Variants in SGCD observed in about 807,000 individuals in gnomAD.
SGCD encodes the protein delta-sarcoglycan.
SGCD carries 18 observed loss-of-function variants against 36.6 expected under a neutral mutation model. The observed-to-expected ratio is 0.49, with a 90% CI of 0.34 to 0.73. The LOEUF is 0.73. Among genes scored for constraint, SGCD ranks in the 30% least tolerant of loss-of-function variants. SGCD has a pLI of 0.01. For synonymous variants in SGCD, 133 were observed against 130.6 expected (o/e 1.02, Z -0.12); for missense variants, 387 against 346.7 (o/e 1.12, Z -0.92).
chr5:156,440,311 G>A (rs1471471804), intron 3 of SGCD, among the ~76,000 whole-genome samples: 10 of 151,834 alleles, frequency 6.6e-5, no homozygotes, highest in Admixed American at 6.6e-4. Context: ...CTTTTTTATT[G>A]CTGACTAATA....
At chr5:155,824,926 A>T in the SGCD span, among the ~76,000 whole-genome samples, 2 of 152,202 alleles carry the variant, frequency 1.3e-5, no homozygotes, top group Non-Finnish European at 2.9e-5. Flanking sequence ...TATATAAATT[A>T]AAAAATATAT....
Position 156,198,401 on chromosome 5 carries a change from G to A in SGCD, c.-44+74382G>A, listed in dbSNP as rs143454746. Among the ~76,000 whole-genome samples, 70 of 152,232 alleles carry A rather than the reference G, an allele frequency of 4.6e-4. 2 individuals are homozygous for A. In the East Asian group the frequency reaches 0.012, roughly 26 times the overall value. ...GAGCACTTGGATTGAGAGACACCAT[G>A]CTAGGTACTCTGCCTTTATTAATTC... On this transcript the variant is annotated intron_variant, in intron 3 of 9. Coordinates refer to the SGCD transcript ENST00000517913.
At chr5:155,967,899 C>T (rs1169280536) in intron 1 of SGCD, among the ~76,000 whole-genome samples, 1 of 151,950 alleles carries the variant, frequency 6.6e-6, no homozygotes, top group Non-Finnish European at 1.5e-5. Context: ...AATTGAACAT[C>T]GTCGGGAGTG....
rs1232883619 is a variant in SGCD, at chr5:156,406,816, A to ATG, written c.192+62140_192+62141insGT. 6.7e-4 allele frequency among the ~76,000 whole-genome samples: 78 copies of ATG among 117,006 alleles called. 5 individuals carry two copies. The highest frequency in any genetic ancestry group is 2.6e-3 in the African/African-American group (74 of 28,576). The allele number at this position is 117,006 out of a possible 152,430, so 76.8% of individuals were successfully genotyped here. A position where few individuals can be genotyped will look rare whatever the true frequency, so the allele number is the denominator to read the frequency against. On this transcript the variant is annotated intron_variant, in intron 3 of 8. Coordinates refer to ENST00000337851, the MANE Select transcript of SGCD (RefSeq NM_000337.6). ...TATATATATATATATATATATATAT[A>ATG]TATACACACACACACACACACACAC...
chr5:155,858,767 G>A, the SGCD span, among the ~76,000 whole-genome samples: 1 of 152,168 alleles, frequency 6.6e-6, no homozygotes, highest in Non-Finnish European at 1.5e-5. Context: ...TCATCTGCAG[G>A]CCAGCAGCAT....
At chr5:156,307,041 C>CTTTT (rs71577193) in intron 3 of SGCD, among the ~76,000 whole-genome samples, 2 of 124,526 alleles carry the variant, frequency 1.6e-5, no homozygotes, top group Non-Finnish European at 1.7e-5. Context: ...TATAAGTTTT[C>CTTTT]TTTTTTTTTT....
At chr5:156,257,391 G>A (rs1389518286) in intron 3 of SGCD, among the ~76,000 whole-genome samples, 2 of 151,564 alleles carry the variant, frequency 1.3e-5, no homozygotes, top group African/African-American at 2.4e-5. Flanking sequence ...GGAGAATGGC[G>A]TGAACCCTGG....
At chr5:156,302,627 A>G (rs1489681828) in intron 3 of SGCD, among the ~76,000 whole-genome samples, 2 of 152,172 alleles carry the variant, frequency 1.3e-5, no homozygotes, top group African/African-American at 4.8e-5. Flanking sequence ...TATTTATTAT[A>G]GTCTGGACTT....
intron 3 of SGCD, among the ~76,000 whole-genome samples, chr5:156,361,267 AC>A (rs2127730893): frequency 6.6e-6 from 1 of 152,348 alleles, no homozygotes; most frequent in African/African-American, 2.4e-5. Flanking sequence ...AAAATCTTGC[AC>A]CAAAAGGATG....
At chr5:155,792,768 C>T in the SGCD span, among the ~76,000 whole-genome samples, 5 of 152,074 alleles carry the variant, frequency 3.3e-5, no homozygotes, top group Non-Finnish European at 7.4e-5. Flanking sequence ...GCTGATGAGG[C>T]TGTGGAGAAA....
intron 3 of SGCD, among the ~76,000 whole-genome samples, chr5:156,179,084 G>C (rs75678790): frequency 0.015 from 2,214 of 152,228 alleles, 27 homozygotes; most frequent in Non-Finnish European, 0.024. Context: ...ATTGTTTTCT[G>C]CTTTCATCAT....
intron 6 of SGCD, among the ~76,000 whole-genome samples, chr5:156,636,139 GC>G (rs1190047228): frequency 3.9e-5 from 6 of 152,244 alleles, no homozygotes; most frequent in African/African-American, 1.2e-4. Flanking sequence ...TGATTTGACT[GC>G]ACTAAACTGG....
chr5:156,657,670 G>A (rs1021713672), intron 7 of SGCD, among the ~76,000 whole-genome samples: 13 of 152,120 alleles, frequency 8.5e-5, no homozygotes, highest in African/African-American at 3.1e-4. Context: ...GGCTGAGGCA[G>A]GAGAATCACT....
chr5:156,411,261 A>T (rs1358799486), intron 3 of SGCD, among the ~76,000 whole-genome samples: 2 of 152,110 alleles, frequency 1.3e-5, no homozygotes, highest in African/African-American at 2.4e-5. Context: ...CTTTTTCTTC[A>T]AGATGTTCCA....
chr5:156,004,358 G>C (rs1392857479), intron 1 of SGCD, among the ~76,000 whole-genome samples: 1 of 152,136 alleles, frequency 6.6e-6, no homozygotes, highest in African/African-American at 2.4e-5. Context: ...TAATACTGCT[G>C]TTTCCACTAT....
At chr5:156,266,624 A>G (rs1023793714) in intron 3 of SGCD, among the ~76,000 whole-genome samples, 7 of 152,128 alleles carry the variant, frequency 4.6e-5, no homozygotes, top group Non-Finnish European at 1.0e-4. Context: ...CTGGGATTAC[A>G]GGCACACACC....
At chr5:156,126,088 C>T (rs890227077) in intron 3 of SGCD, among the ~76,000 whole-genome samples, 18 of 151,878 alleles carry the variant, frequency 1.2e-4, no homozygotes, top group African/African-American at 4.4e-4. Flanking sequence ...GCCATATTGT[C>T]CACGCTGGTC....
chr5:156,493,031 C>T (rs1347237627), intron 3 of SGCD, among the ~76,000 whole-genome samples: 1 of 152,112 alleles, frequency 6.6e-6, no homozygotes, highest in Non-Finnish European at 1.5e-5. Flanking sequence ...TATACATGTG[C>T]ACGTGTCTTT....
intron 1 of SGCD, among the ~76,000 whole-genome samples, chr5:155,939,657 A>AT (rs556255963): frequency 0.042 from 6,333 of 150,168 alleles, 169 homozygotes; most frequent in Non-Finnish European, 0.063. Flanking sequence ...AAAAAAAAAA[A>AT]AATAATAATA....
Sources: gnomAD v4.1 joint callset for allele counts (sites outside exome capture counted in the v4.1 genomes callset) on GRCh38, gnomAD v4.1.1 for gene constraint, MANE v1.5 for transcripts, NCBI Gene and HGNC (gene_info 2026-07-23, HGNC 2026-07-21) for gene names.